FNDC3A: variants seen among roughly 807,000 people sequenced by gnomAD.
The protein encoded by FNDC3A is fibronectin type-III domain-containing protein 3A.
Under a neutral mutation model 148.9 loss-of-function variants are expected in FNDC3A, and 32 were observed. The observed-to-expected ratio is 0.21, with a 90% CI of 0.16 to 0.29. FNDC3A has a LOEUF of 0.29. Ranked by LOEUF, FNDC3A falls within the 10% of genes least tolerant of loss-of-function variation. FNDC3A has a pLI of 1.00. For missense variants in FNDC3A, 1,191 were observed against 1,452.8 expected (o/e 0.82, Z 2.93); for synonymous variants, 472 against 473.6 (o/e 1.00, Z 0.04).
chr13:49,074,880 A>G (rs140390779), intron 2 of FNDC3A, among the ~76,000 whole-genome samples: 213 of 152,296 alleles, frequency 1.4e-3, no homozygotes, highest in African/African-American at 5.0e-3. Flanking sequence ...ACATTCTCGA[A>G]TATAACTTCA....
intron 2 of FNDC3A, among the ~76,000 whole-genome samples, chr13:49,007,204 A>G (rs1480322559): frequency 1.3e-5 from 2 of 152,160 alleles, no homozygotes; most frequent in South Asian, 2.1e-4. Flanking sequence ...CTTAGTATCT[A>G]TAGTAGGCAA....
chr13:49,058,333 T>C (rs966811920), intron 2 of FNDC3A, among the ~76,000 whole-genome samples: 1 of 152,156 alleles, frequency 6.6e-6, no homozygotes, highest in South Asian at 2.1e-4. Context: ...GCTTTTTTTA[T>C]GCAAATAACC....
chr13:49,161,170 A>G (rs553984019), intron 8 of FNDC3A, among the ~76,000 whole-genome samples: 4 of 152,276 alleles, frequency 2.6e-5, no homozygotes, highest in Non-Finnish European at 5.9e-5. Flanking sequence ...AGTCCTGGGT[A>G]TCCTTGTTAA....
At chr13:49,073,185 G>A (rs1012351588) in intron 2 of FNDC3A, among the ~76,000 whole-genome samples, 1 of 151,986 alleles carries the variant, frequency 6.6e-6, no homozygotes, top group South Asian at 2.1e-4. Context: ...GGAAAATAAA[G>A]AATTTAGTAA....
intron 2 of FNDC3A, among the ~76,000 whole-genome samples, chr13:49,053,920 T>C (rs1381179823): frequency 1.3e-5 from 2 of 152,140 alleles, no homozygotes; most frequent in South Asian, 4.1e-4. Context: ...AGAAACATAT[T>C]TTGAGGTAAA....
At position 48,993,073 on chromosome 13, in the gene FNDC3A, C is replaced by T. The variant is rs371568518; in HGVS notation, c.-39-13079C>T. The stretch of plus-strand genomic sequence containing the variant: ...AGGCAATTAAAAATTCTTCATTAAA[C>T]TTGATTCCTCTACGAATACTTTCTT... On this transcript the variant is annotated intron_variant, in intron 1 of 25. Coordinates refer to ENST00000492622, the MANE Select transcript of FNDC3A (RefSeq NM_001079673.2). Among the ~76,000 whole-genome samples the T allele has an allele frequency of 9.9e-5, 15 of 152,256 alleles. No individual in the cohort carries two copies. In the South Asian group the frequency reaches 3.1e-3, roughly 32 times the overall value.
At chr13:49,193,536 A>G (rs1885996683) in intron 19 of FNDC3A, among the ~76,000 whole-genome samples, 1 of 152,204 alleles carries the variant, frequency 6.6e-6, no homozygotes, top group African/African-American at 2.4e-5. Flanking sequence ...AGGTGGGATT[A>G]CAGGCATGAG....
intron 10 of FNDC3A, among the ~76,000 whole-genome samples, chr13:49,171,080 A>G (rs1396847407): frequency 2.0e-5 from 3 of 152,166 alleles, no homozygotes; most frequent in Non-Finnish European, 4.4e-5. Context: ...TTTAACTGCC[A>G]CTACTTTGCC....
At chr13:49,122,009 A>G (rs1881381872) in intron 4 of FNDC3A, among the ~76,000 whole-genome samples, 1 of 152,210 alleles carries the variant, frequency 6.6e-6, no homozygotes, top group Non-Finnish European at 1.5e-5. Flanking sequence ...TGAGGCCAGC[A>G]TCATCCTGAT....
At chr13:49,018,911 T>A (rs1176749257) in intron 2 of FNDC3A, among the ~76,000 whole-genome samples, 1 of 151,882 alleles carries the variant, frequency 6.6e-6, no homozygotes. Context: ...GTTGGGCTGC[T>A]TGGGGGGTCA....
At chr13:49,047,388 T>A (rs1050862696) in intron 2 of FNDC3A, among the ~76,000 whole-genome samples, 1 of 152,162 alleles carries the variant, frequency 6.6e-6, no homozygotes, top group Non-Finnish European at 1.5e-5. Flanking sequence ...CTTTAGGGGA[T>A]CTCCATGCTG....
intron 11 of FNDC3A, among the ~76,000 whole-genome samples, chr13:49,172,825 C>T (rs1239465344): frequency 6.6e-6 from 1 of 152,190 alleles, no homozygotes; most frequent in African/African-American, 2.4e-5. Context: ...GGCCATGACT[C>T]AGCCAACCAC....
At chr13:49,147,029 G>A (rs1416757179) in intron 8 of FNDC3A, among the ~76,000 whole-genome samples, 1 of 152,112 alleles carries the variant, frequency 6.6e-6, no homozygotes, top group East Asian at 1.9e-4. Context: ...GAGAAGAAAG[G>A]AAAGTGAAAC....
chr13:48,998,056 T>C lies in FNDC3A; in HGVS notation c.-39-8096T>C, dbSNP rs538358314. 4.4e-4 allele frequency among the ~76,000 whole-genome samples: 67 copies of C among 152,012 alleles called. No homozygotes were observed. The South Asian group carries it at 0.014, about 32-fold the overall frequency. On this transcript the variant is annotated intron_variant, in intron 1 of 25. Coordinates refer to ENST00000492622, the MANE Select transcript of FNDC3A (RefSeq NM_001079673.2). The stretch of plus-strand genomic sequence containing the variant: ...ACAGAATGTCATTTGAAAACATGGG[T>C]GATAGGCCATTCTGATGAGGTCTCA...
At chr13:49,020,748 A>G (rs1299069158) in intron 2 of FNDC3A, among the ~76,000 whole-genome samples, 9 of 152,238 alleles carry the variant, frequency 5.9e-5, no homozygotes, top group African/African-American at 2.2e-4. Flanking sequence ...ATTTCATTTA[A>G]TCTTCATAAC....
At chr13:49,015,662 G>T (rs996733377) in intron 2 of FNDC3A, among the ~76,000 whole-genome samples, 1 of 152,142 alleles carries the variant, frequency 6.6e-6, no homozygotes, top group Non-Finnish European at 1.5e-5. Context: ...GAGAGAGGAG[G>T]GCATCCCTGT....
At chr13:49,183,427 C>T (rs1032376086) in intron 14 of FNDC3A, among the ~76,000 whole-genome samples, 1 of 152,192 alleles carries the variant, frequency 6.6e-6, no homozygotes, top group Non-Finnish European at 1.5e-5. Context: ...TAGCACAGTG[C>T]TCCTTATGTG....
At chr13:49,003,899 A>G (rs74075845) in intron 1 of FNDC3A, among the ~76,000 whole-genome samples, 2,756 of 152,316 alleles carry the variant, frequency 0.018, 83 homozygotes, top group African/African-American at 0.063. Flanking sequence ...TTATTGCTAC[A>G]TAAATAAATG....
chr13:49,084,823 T>C (rs1878697923), intron 3 of FNDC3A, among the ~76,000 whole-genome samples: 1 of 152,148 alleles, frequency 6.6e-6, no homozygotes, highest in Non-Finnish European at 1.5e-5. Context: ...ATTGATGTTT[T>C]CTCCTCGTTG....
Sources: allele counts gnomAD v4.1 joint callset (sites outside exome capture counted in the v4.1 genomes callset), GRCh38; gene constraint gnomAD v4.1.1; transcripts MANE v1.5; gene names NCBI Gene and HGNC (gene_info 2026-07-23, HGNC 2026-07-21).